Variants in ABHD15 observed in about 807,000 individuals in gnomAD.
The protein encoded by ABHD15 is protein ABHD15.
A neutral mutation model predicts 34.4 loss-of-function variants in ABHD15; 34 were observed. The ratio of observed to expected loss-of-function variants is 0.99; its 90% confidence interval spans 0.75 to 1.32. The LOEUF (loss-of-function observed/expected upper bound fraction) is 1.32, where lower values mean the gene tolerates loss of function less well. Ranked by LOEUF, ABHD15 falls within the 40% of genes most tolerant of loss-of-function variation. ABHD15 has a pLI of 0.00. For missense variants in ABHD15, 644 were observed against 650.4 expected (o/e 0.99, Z 0.11); for synonymous variants, 314 against 299.2 (o/e 1.05, Z -0.51).
Position 29,562,819 on chromosome 17 carries a change from G to C in ABHD15, c.1149C>G (p.Leu383=). 2 of 1,613,706 alleles carry C rather than the reference G, an allele frequency of 1.2e-6. No homozygotes were observed. The highest frequency in any genetic ancestry group is 4.5e-5 in the East Asian group (2 of 44,876). ...AGTGGCCTCCGTGGCGACTGAGCAG[G>C]AGGAAGAAGTAGGGGTTGCTGTGGA... The part of the protein sequence containing the change: ...ELFHSNPYFF[L]LLSRHGGHCG... The change falls in exon 2 of 2, where the codon CTC becomes CTG. Residue 383 remains leucine, a synonymous_variant. Transcript: ENST00000307201.
Position 29,562,889 on chromosome 17 carries a change from T to C in ABHD15, c.1079A>G (p.Asp360Gly), listed in dbSNP as rs556825065. ...GTGGTCTGGGGGTCCACACACGGGG[T>C]CGTCAGCACTGCAGATACACAGCAC... ...VPVLCICSAD[D>G]PVCGPPDHTL... The change falls in exon 2 of 2, where the codon GAC becomes GGC. Residue 360 changes from aspartate (D) to glycine (G), a missense_variant. By Grantham distance (94) the Asp-to-Gly change is moderately conservative. Coordinates refer to ENST00000307201, the MANE Select transcript of ABHD15 (RefSeq NM_198147.3). The C allele has an allele frequency of 3.5e-5, 56 of 1,613,916 alleles. No individual in the cohort carries two copies. Among genetic ancestry groups the C allele is most frequent in the Non-Finnish European group, 4.5e-5 (53 of 1,179,978 alleles).
intron 1 of ABHD15, among the ~76,000 whole-genome samples, 165 bp from the exon 2 acceptor site, chr17:29,563,251 T>C (rs1023774819): frequency 6.6e-6 from 1 of 152,122 alleles, no homozygotes; most frequent in South Asian, 2.1e-4. Context: ...TGGCCATCAT[T>C]TAAAACCAGA....
chr17:29,565,769 G>A (rs1038450516), intron 1 of ABHD15, among the ~76,000 whole-genome samples: 12 of 152,254 alleles, frequency 7.9e-5, no homozygotes, highest in South Asian at 2.1e-4. Flanking sequence ...AGTGGTAAAT[G>A]TCAGGTATCT....
chr17:29,567,017 G>A lies in ABHD15; in HGVS notation c.-51C>T. 8.0e-7 allele frequency: 1 copy of A among 1,247,362 alleles called. No homozygotes were observed. The highest frequency in any genetic ancestry group is 1.0e-6 in the Non-Finnish European group (1 of 998,498). 77.3% of individuals were successfully genotyped at this position (1,247,362 alleles called of 1,614,324 possible). ...CAGCGGGCGGCGGGGCCGTCTACTC[G>A]GCGAGCTCCGCGCTTTGCCCGCGGC... On this transcript the variant is annotated 5_prime_UTR_variant, in exon 1 of 2. Coordinates refer to ENST00000307201, the MANE Select transcript of ABHD15 (RefSeq NM_198147.3). The surrounding 1 kb of genome is among the most constrained non-coding windows in gnomAD (Gnocchi z 6.6).
In ABHD15 at chr17:29,566,920, G is replaced by A. The variant is rs2032731475; in HGVS notation, c.47C>T (p.Ala16Val). ...CCGCGGGCCGAGCAGGCCGAGAAGG[G>A]CGAGCACGGCCAAGATGAGCGCGAG... is the stretch of plus-strand genomic sequence containing the variant. Reference protein sequence around the residue: ...AALALILAVLALLGLLGPRLR... With the variant: ...AALALILAVLVLLGLLGPRLR... Residue 16 changes from alanine (A) to valine (V), a missense_variant, in exon 1 of 2, where the codon GCC (alanine) becomes GTC (valine). Transcript: ENST00000307201. The A allele has an allele frequency of 1.3e-6, 2 of 1,483,552 alleles. No homozygotes were observed. The highest frequency in any genetic ancestry group is 1.8e-6 in the Non-Finnish European group (2 of 1,125,954). 91.9% of individuals were successfully genotyped at this position (1,483,552 alleles called of 1,614,324 possible). A position where few individuals can be genotyped will look rare whatever the true frequency, so the allele number is the denominator to read the frequency against.
chr17:29,562,487 C>G lies in ABHD15; in HGVS notation c.*74G>C. 3.4e-6 allele frequency: 5 copies of G among 1,485,256 alleles called. No individual in the cohort carries two copies. Among genetic ancestry groups the G allele is most frequent in the Non-Finnish European group, 3.6e-6 (4 of 1,105,870 alleles). 92.0% of individuals were successfully genotyped at this position (1,485,256 alleles called of 1,614,324 possible). ...TGGAGCTCCCTCTGTTCAGTCCGCC[C>G]CATCTTTCCAGGACTCCCCCTTGCC... On this transcript the variant is annotated 3_prime_UTR_variant, in exon 2 of 2. Transcript: ENST00000307201.
Position 29,566,635 on chromosome 17 carries a change from T to G in ABHD15, c.332A>C (p.His111Pro). The G allele has an allele frequency of 6.2e-7, 1 of 1,607,126 alleles. No homozygotes were observed. The change falls in exon 1 of 2, where the codon CAC becomes CCC. Residue 111 changes from histidine (H) to proline (P), a missense_variant. Transcript: ENST00000307201. Reference protein sequence around the residue: ...FSGPHLQTLCHFVLPVAPGPE... With the variant: ...FSGPHLQTLCPFVLPVAPGPE... ...CCCAGGCGCTACGGGCAGGACGAAG[T>G]GGCAGAGGGTCTGCAGGTGGGGCCC... is the stretch of plus-strand genomic sequence containing the variant.
At position 29,562,539 on chromosome 17, in the gene ABHD15, G is replaced by A; in HGVS notation, c.*22C>T. ...AGCTCTGTTTTTCTTTGCAGGACTT[G>A]GGGGTTCTCAGGCCAGGTCTTTCAC... On this transcript the variant is annotated 3_prime_UTR_variant, in exon 2 of 2. Coordinates refer to ENST00000307201, the MANE Select transcript of ABHD15 (RefSeq NM_198147.3). 8.1e-6 allele frequency: 13 copies of A among 1,599,700 alleles called. No homozygotes were observed. The highest frequency in any genetic ancestry group is 1.1e-5 in the Non-Finnish European group (13 of 1,171,552).
At chr17:29,563,137 G>A (rs1321290131) in intron 1 of ABHD15, 51 bp from the exon 2 acceptor site, 2 of 1,554,382 alleles carry the variant, frequency 1.3e-6, no homozygotes, top group Non-Finnish European at 1.7e-6. Context: ...GGAAGAATGA[G>A]AACATCAGGT....
rs1474533769 is a variant in ABHD15, at chr17:29,566,619, T to C, written c.348A>G (p.Val116=). Residue 116 remains valine, a synonymous_variant, in exon 1 of 2, where the codon GTA becomes GTG. Coordinates refer to ENST00000307201, the MANE Select transcript of ABHD15 (RefSeq NM_198147.3). ...CCCGGGCCAGCTCAGGCCCAGGCGCTACGGGCAGGACGAAGTGGCAGAGGG... is the reference window on the plus strand; with the variant it reads ...CCCGGGCCAGCTCAGGCCCAGGCGCCACGGGCAGGACGAAGTGGCAGAGGG... ...LQTLCHFVLP[V]APGPELAREY... The C allele has an allele frequency of 1.2e-5, 19 of 1,608,374 alleles. No homozygotes were observed. The highest frequency in any genetic ancestry group is 8.0e-5 in the African/African-American group (6 of 74,914).
Position 29,566,986 on chromosome 17 carries a change from G to A in ABHD15, c.-20C>T, listed in dbSNP as rs938504837. ...CGGCATGGCGAAGCTGGAGAGCCCC[G>A]GCGGGCAGCGGGCGGCGGGGCCGTC... On this transcript the variant is annotated 5_prime_UTR_variant, in exon 1 of 2. Coordinates refer to ENST00000307201, the MANE Select transcript of ABHD15 (RefSeq NM_198147.3). The A allele has an allele frequency of 3.1e-6, 4 of 1,294,940 alleles. No homozygotes were observed. Among genetic ancestry groups the A allele is most frequent in the South Asian group, 2.5e-5 (1 of 40,788 alleles). The allele number at this position is 1,294,940 out of a possible 1,614,324, so 80.2% of individuals were successfully genotyped here. A position where few individuals can be genotyped will look rare whatever the true frequency, so the allele number is the denominator to read the frequency against.
In ABHD15 at chr17:29,566,269, GCGA is replaced by G; in HGVS notation, c.695_697del (p.Phe232_Ala233delinsSer). On this transcript the variant is annotated inframe_deletion, in exon 1 of 2. Coordinates refer to ENST00000307201, the MANE Select transcript of ABHD15 (RefSeq NM_198147.3). Reference sequence around the variant, plus strand: ...CGCCGAGCCCGAGCCTTCGCTCACCGCGAACAGCGGCGCCGCCGGGTGTCGGAA... The same window carrying G: ...CGCCGAGCCCGAGCCTTCGCTCACCGACAGCGGCGCCGCCGGGTGTCGGAA... The G allele has an allele frequency of 4.3e-6, 7 of 1,610,758 alleles. No individual in the cohort carries two copies. The highest frequency in any genetic ancestry group is 5.9e-6 in the Non-Finnish European group (7 of 1,178,920).
In ABHD15 at chr17:29,566,473, T is replaced by C. The variant is rs770698577; in HGVS notation, c.494A>G (p.Asn165Ser). ...GLPAVLLVIPNAWGRLTRNVL... is the reference protein window; with the variant it reads ...GLPAVLLVIPSAWGRLTRNVL... ...GTTGCGGGTGAGGCGACCCCACGCA[T>C]TGGGGATCACCAGAAGCACCGCAGG... The change falls in exon 1 of 2, where the codon AAT (asparagine) becomes AGT (serine). Residue 165 changes from asparagine (N) to serine (S), a missense_variant. Physicochemically the swap from Asn to Ser is conservative, Grantham distance 46 (BLOSUM62 1). Coordinates refer to ENST00000307201, the MANE Select transcript of ABHD15 (RefSeq NM_198147.3). The C allele has an allele frequency of 2.5e-6, 4 of 1,612,012 alleles. No homozygotes were observed. The highest frequency in any genetic ancestry group is 2.7e-5 in the African/African-American group (2 of 74,902).
rs191343692 is a variant in ABHD15 at position 29,562,395 on chromosome 17, C to T, written c.*166G>A. On this transcript the variant is annotated 3_prime_UTR_variant, in exon 2 of 2. Transcript: ENST00000307201. The stretch of plus-strand genomic sequence containing the variant: ...GCTGAGGATGAAGTGAGTGCAGGCT[C>T]GCAGGACGTTCCTTCTCTTTCAAGG... The T allele has an allele frequency of 1.5e-4, 115 of 745,024 alleles. 1 individual carries two copies. The highest frequency in any genetic ancestry group is 9.6e-4 in the African/African-American group (55 of 57,322). 46.2% of individuals were successfully genotyped at this position (745,024 alleles called of 1,614,324 possible).
intron 1 of ABHD15, among the ~76,000 whole-genome samples, chr17:29,565,368 C>T (rs2032686671): frequency 6.6e-6 from 1 of 151,944 alleles, no homozygotes; most frequent in Admixed American, 6.6e-5. Context: ...TGCTCTGTCA[C>T]CCAGGCTAGA....
Position 29,562,955 on chromosome 17 carries a change from C to A in ABHD15, c.1013G>T (p.Arg338Leu), listed in dbSNP as rs540488510. 6.2e-7 allele frequency: 1 copy of A among 1,614,038 alleles called. No homozygotes were observed. The highest frequency in any genetic ancestry group is 8.5e-7 in the Non-Finnish European group (1 of 1,180,034). Residue 338 changes from arginine to leucine, a missense_variant, in exon 2 of 2, where the codon CGC becomes CTC. Arg to Leu is a moderately radical substitution (Grantham distance 102). Transcript: ENST00000307201. ...FPISWDTYWD[R>L]NDPLRDVDEA... is the part of the protein sequence containing the mutation. ...ATCGACATCCCGGAGCGGGTCGTTG[C>A]GGTCCCAGTAGGTATCCCAGCTGAT...
Position 29,566,655 on chromosome 17 carries a change from G to A in ABHD15, c.312C>T (p.Pro104=). 1 of 1,603,884 alleles carries A rather than the reference G, an allele frequency of 6.2e-7. No individual in the cohort carries two copies. The highest frequency in any genetic ancestry group is 8.5e-7 in the Non-Finnish European group (1 of 1,178,986). The change falls in exon 1 of 2, where the codon CCC becomes CCT. Residue 104 remains proline (P), a synonymous_variant. Transcript: ENST00000307201. ...EAGPRSWFSG[P]HLQTLCHFVL... ...CGAAGTGGCAGAGGGTCTGCAGGTG[G>A]GGCCCGGAGAACCAGGAGCGCGGGC...
At position 29,567,006 on chromosome 17, in the gene ABHD15, G is replaced by A; in HGVS notation, c.-40C>T. The A allele has an allele frequency of 1.6e-6, 2 of 1,270,658 alleles. No individual in the cohort carries two copies. Among genetic ancestry groups the A allele is most frequent in the Non-Finnish European group, 2.0e-6 (2 of 1,012,604 alleles). The allele number at this position is 1,270,658 out of a possible 1,614,324, so 78.7% of individuals were successfully genotyped here. On this transcript the variant is annotated 5_prime_UTR_variant, in exon 1 of 2. Transcript: ENST00000307201. The surrounding 1 kb of genome is among the most constrained non-coding windows in gnomAD (Gnocchi z 6.6). ...GCCCCGGCGGGCAGCGGGCGGCGGG[G>A]CCGTCTACTCGGCGAGCTCCGCGCT...
intron 1 of ABHD15, 62 bp downstream of exon 1, chr17:29,566,024 G>C: frequency 6.7e-7 from 1 of 1,501,092 alleles, no homozygotes; most frequent in Non-Finnish European, 8.9e-7. Context: ...AGCTGTTTCT[G>C]ATTCTTAGCC....
Sources: allele counts gnomAD v4.1 joint callset (sites outside exome capture counted in the v4.1 genomes callset), GRCh38; gene constraint gnomAD v4.1.1; non-coding constraint Gnocchi (gnomAD v3.1); transcripts MANE v1.5; gene names NCBI Gene and HGNC (gene_info 2026-07-23, HGNC 2026-07-21).